Variants in CDH13 observed in about 807,000 individuals in gnomAD.
CDH13 encodes cadherin-13.
CDH13 carries 24 observed loss-of-function variants against 63.8 expected under a neutral mutation model. The observed-to-expected ratio is 0.38, with a 90% CI of 0.27 to 0.53. CDH13 has a LOEUF of 0.53. Among genes scored for constraint, CDH13 ranks in the 20% least tolerant of loss-of-function variants. CDH13 has a pLI of 0.85. For synonymous variants in CDH13, 503 were observed against 355.3 expected, an observed-to-expected ratio of 1.42 and a Z score of -4.67; for missense variants, 1,049 against 903.1, an observed-to-expected ratio of 1.16 and a Z score of -2.07.
intron 7 of CDH13, among the ~76,000 whole-genome samples, chr16:83,587,605 G>C (rs1567787147): frequency 6.6e-6 from 1 of 152,094 alleles, no homozygotes; most frequent in African/African-American, 2.4e-5. Context: ...CACTTGATTT[G>C]GGGAAGAAGA....
At chr16:83,747,890 A>C (rs548506801) in intron 10 of CDH13, among the ~76,000 whole-genome samples, 1 of 151,956 alleles carries the variant, frequency 6.6e-6, no homozygotes, top group Non-Finnish European at 1.5e-5. Context: ...TGTCAAGAGG[A>C]ATAAAGGAGG....
At chr16:83,534,407 C>T (rs1210896304) in intron 7 of CDH13, among the ~76,000 whole-genome samples, 1 of 152,124 alleles carries the variant, frequency 6.6e-6, no homozygotes, top group Non-Finnish European at 1.5e-5. Context: ...TTTCATGGGG[C>T]CGTTACAAGC....
chr16:83,250,683 G>C (rs75177203), intron 5 of CDH13, among the ~76,000 whole-genome samples: 1 of 152,174 alleles, frequency 6.6e-6, no homozygotes, highest in Non-Finnish European at 1.5e-5. Context: ...GGATTGTTTA[G>C]TGAATAAATC....
chr16:83,752,011 G>T (rs920452716), intron 11 of CDH13, among the ~76,000 whole-genome samples: 1 of 152,256 alleles, frequency 6.6e-6, no homozygotes, highest in African/African-American at 2.4e-5. Flanking sequence ...AAAGGAAGAG[G>T]TCTGGACAGA....
intron 2 of CDH13, among the ~76,000 whole-genome samples, chr16:82,999,984 G>A (rs966885277): frequency 3.3e-5 from 5 of 152,056 alleles, no homozygotes; most frequent in Non-Finnish European, 7.4e-5. Context: ...AGAATTCAGA[G>A]ATGCTGTTAA....
intron 1 of CDH13, among the ~76,000 whole-genome samples, chr16:82,795,068 G>C (rs533916623): frequency 2.6e-5 from 4 of 152,282 alleles, no homozygotes; most frequent in African/African-American, 7.2e-5. Flanking sequence ...CATGATGTTT[G>C]CTTCCCATAC....
At chr16:83,103,616 C>T (rs2034623116) in intron 3 of CDH13, among the ~76,000 whole-genome samples, 1 of 152,164 alleles carries the variant, frequency 6.6e-6, no homozygotes, top group Non-Finnish European at 1.5e-5. Context: ...GGTCCAGGCT[C>T]TGAGCGGAAT....
intron 1 of CDH13, among the ~76,000 whole-genome samples, chr16:82,701,563 G>C (rs1248973077): frequency 1.3e-5 from 2 of 152,126 alleles, no homozygotes; most frequent in Non-Finnish European, 2.9e-5. Context: ...CCTTAGACTT[G>C]TCATCAGGAA....
chr16:82,981,902 T>A (rs532690104), intron 2 of CDH13, among the ~76,000 whole-genome samples: 17 of 152,290 alleles, frequency 1.1e-4, no homozygotes, highest in African/African-American at 4.1e-4. Flanking sequence ...ACTTTCTTCC[T>A]TTCCTACCCC....
chr16:83,089,984 A>T (rs2033813942), intron 3 of CDH13, among the ~76,000 whole-genome samples: 1 of 152,174 alleles, frequency 6.6e-6, no homozygotes, highest in South Asian at 2.1e-4. Flanking sequence ...AGCCTCTAAG[A>T]TCCCTCACAT....
intron 2 of CDH13, among the ~76,000 whole-genome samples, chr16:82,895,251 C>G (rs1391585665): frequency 6.6e-6 from 1 of 152,180 alleles, no homozygotes; most frequent in African/African-American, 2.4e-5. Context: ...TACTTTCTGT[C>G]TCTAAAAATT....
At chr16:83,354,834 T>G (rs1018226331) in intron 6 of CDH13, among the ~76,000 whole-genome samples, 3 of 152,246 alleles carry the variant, frequency 2.0e-5, no homozygotes, top group African/African-American at 7.2e-5. Flanking sequence ...AATGTGTCTC[T>G]CTGCCTGTTG....
chr16:82,926,224 G>T (rs577751488), intron 2 of CDH13, among the ~76,000 whole-genome samples: 24 of 149,772 alleles, frequency 1.6e-4, no homozygotes, highest in Admixed American at 4.0e-4. Context: ...GTGTGCAAAA[G>T]CACCCTAGAC....
At chr16:82,980,534 G>T (rs1910124077) in intron 2 of CDH13, among the ~76,000 whole-genome samples, 1 of 152,204 alleles carries the variant, frequency 6.6e-6, no homozygotes. Context: ...ATGCAAATGT[G>T]ATTTTTTTGA....
At chr16:83,489,894 G>A (rs948696925) in intron 7 of CDH13, among the ~76,000 whole-genome samples, 1 of 152,080 alleles carries the variant, frequency 6.6e-6, no homozygotes, top group African/African-American at 2.4e-5. Context: ...TGATTTTAAG[G>A]TTTGTTACCT....
chr16:83,009,161 C>A (rs139347431), intron 2 of CDH13, among the ~76,000 whole-genome samples: 40 of 152,278 alleles, frequency 2.6e-4, no homozygotes, highest in Admixed American at 4.6e-4. Context: ...GATCATAGTC[C>A]ATGTCTACTT....
chr16:83,393,529 C>G (rs945545170), intron 6 of CDH13, among the ~76,000 whole-genome samples: 1 of 152,172 alleles, frequency 6.6e-6, no homozygotes, highest in Non-Finnish European at 1.5e-5. Flanking sequence ...CTGCCAGGAA[C>G]CAGGGCAGCT....
At chr16:82,743,524 T>G (rs2034028119) in intron 1 of CDH13, among the ~76,000 whole-genome samples, 1 of 152,218 alleles carries the variant, frequency 6.6e-6, no homozygotes, top group Admixed American at 6.5e-5. Context: ...CATCTACTAA[T>G]ACATATTTTG....
chr16:82,909,500 G>A (rs1029078152), intron 2 of CDH13, among the ~76,000 whole-genome samples: 47 of 149,834 alleles, frequency 3.1e-4, no homozygotes, highest in African/African-American at 1.1e-3. Flanking sequence ...AGCCATACCC[G>A]AGACTGGGTA....
Sources: gnomAD v4.1 joint callset for allele counts (sites outside exome capture counted in the v4.1 genomes callset) on GRCh38, gnomAD v4.1.1 for gene constraint, MANE v1.5 for transcripts, NCBI Gene and HGNC (gene_info 2026-07-23, HGNC 2026-07-21) for gene names.